Variants in CPNE7 observed in about 807,000 individuals in gnomAD.
CPNE7 encodes copine 7, also known as copine-7.
A neutral mutation model predicts 66.5 loss-of-function variants in CPNE7; 78 were observed. The ratio of observed to expected loss-of-function variants is 1.17; its 90% CI spans 0.98 to 1.42. The LOEUF is 1.42. Among genes scored for constraint, CPNE7 ranks in the 40% most tolerant of loss-of-function variants. The pLI, the probability that CPNE7 is intolerant of heterozygous loss-of-function variation, is 0.00. For synonymous variants in CPNE7, 468 were observed against 336.7 expected, an observed-to-expected ratio of 1.39 and a Z score of -4.27; for missense variants, 1,012 against 776.6, an observed-to-expected ratio of 1.30 and a Z score of -3.60.
At position 89,589,878 on chromosome 16, in the gene CPNE7, C is replaced by CCT. The variant is rs1326313735; in HGVS notation, c.1062-17_1062-16dup. 3.7e-6 allele frequency: 6 copies of CCT among 1,613,356 alleles called. No homozygotes were observed. Among genetic ancestry groups the CCT allele is most frequent in the Non-Finnish European group, 5.1e-6 (6 of 1,179,884 alleles). ...ACAAGAGGTCAGGGCCTCCTGGTGACCTCCTGCCTCTCTTCCAGTGACAAG... is the reference window on the plus strand; with the variant it reads ...ACAAGAGGTCAGGGCCTCCTGGTGACCTCTCCTGCCTCTCTTCCAGTGACAAG... On this transcript the variant is annotated intron_variant, in intron 10 of 14. Transcript: ENST00000319518.
At chr16:89,578,853 A>C (rs945303270) in intron 2 of CPNE7, 2 of 1,610,042 alleles carry the variant, frequency 1.2e-6, no homozygotes, top group Non-Finnish European at 1.7e-6. Flanking sequence ...TACGGCCTCC[A>C]CAGCCAGCCC....
Position 89,575,928 on chromosome 16 carries a change from G to A in CPNE7, c.31G>A (p.Ala11Thr). MSAGSERGAA[A>T]TPGGLPAPCA... is the part of the protein sequence containing the mutation. ...CGCGGGCTCGGAGCGCGGGGCGGCG[G>A]CAACCCCCGGGGGTTTGCCCGCGCC... The change falls in exon 1 of 15, where the codon GCA (alanine) becomes ACA (threonine). Residue 11 changes from alanine (A) to threonine (T), a missense_variant. Coordinates refer to ENST00000319518, the MANE Select transcript of CPNE7 (RefSeq NM_153636.3). 7.9e-7 allele frequency: 1 copy of A among 1,267,196 alleles called. No individual in the cohort carries two copies. Among genetic ancestry groups the A allele is most frequent in the Admixed American group, 4.1e-5 (1 of 24,274 alleles). The allele number at this position is 1,267,196 out of a possible 1,614,324, so 78.5% of individuals were successfully genotyped here. A position where few individuals can be genotyped will look rare whatever the true frequency, so the allele number is the denominator to read the frequency against.
intron 13 of CPNE7, among the ~76,000 whole-genome samples, chr16:89,593,510 G>A (rs1346897046): frequency 5.3e-5 from 8 of 150,860 alleles, no homozygotes; most frequent in African/African-American, 1.9e-4. Flanking sequence ...CCGCCACCAC[G>A]CCCGGCTAAT....
At chr16:89,588,374 G>A (rs935284777) in intron 9 of CPNE7, among the ~76,000 whole-genome samples, 4 of 152,240 alleles carry the variant, frequency 2.6e-5, no homozygotes, top group African/African-American at 7.2e-5. Flanking sequence ...TGCCGGGGAG[G>A]GTGGTAGAGG....
At chr16:89,591,751 G>C (rs1450200245) in intron 13 of CPNE7, among the ~76,000 whole-genome samples, 2 of 151,790 alleles carry the variant, frequency 1.3e-5, no homozygotes, top group African/African-American at 4.8e-5. Context: ...CCAGGCTGGA[G>C]TGCAGTGATG....
chr16:89,582,321 T>C (rs1240934663), intron 2 of CPNE7, among the ~76,000 whole-genome samples: 1 of 152,254 alleles, frequency 6.6e-6, no homozygotes, highest in African/African-American at 2.4e-5. Flanking sequence ...CAGGAAGTGC[T>C]TATTAAACGC....
intron 13 of CPNE7, among the ~76,000 whole-genome samples, chr16:89,592,732 G>A (rs181799999): frequency 2.1e-3 from 315 of 150,484 alleles, no homozygotes; most frequent in African/African-American, 7.3e-3. Context: ...GTGAGCCACC[G>A]CGCCCAGCCC....
chr16:89,595,425 G>C lies in CPNE7; in HGVS notation c.1361G>C (p.Arg454Pro). 6.2e-7 allele frequency: 1 copy of C among 1,607,124 alleles called. No individual in the cohort carries two copies. The highest frequency in any genetic ancestry group is 8.5e-7 in the Non-Finnish European group (1 of 1,175,790). The change falls in exon 14 of 15, where the codon CGG (arginine) becomes CCG (proline). Residue 454 changes from arginine (R) to proline (P), a missense_variant. Physicochemically the swap from Arg to Pro is moderately radical, Grantham distance 103 (BLOSUM62 -2). Transcript: ENST00000319518. Reference protein sequence around the residue: ...DGVVTDMADTREAIVRASRLP... With the variant: ...DGVVTDMADTPEAIVRASRLP... ...GTGGTGACCGACATGGCCGACACAC[G>C]GGAGGCCATTGTGCGTGCCTCACGC...
rs1340412079 is a variant in CPNE7 at position 89,584,631 on chromosome 16, G to A, written c.508-143G>A. 3.2e-5 allele frequency: 21 copies of A among 664,530 alleles called. No homozygotes were observed. The highest frequency in any genetic ancestry group is 5.4e-5 in the Non-Finnish European group (20 of 372,766). 41.2% of individuals were successfully genotyped at this position (664,530 alleles called of 1,614,324 possible). A position where few individuals can be genotyped will look rare whatever the true frequency, so the allele number is the denominator to read the frequency against. Reference sequence around the variant, plus strand: ...CGGGAGGGAGGGACGAGATGCTGTCGGCGGGGACTGGCTGCCTCGTTTTGT... The same window carrying A: ...CGGGAGGGAGGGACGAGATGCTGTCAGCGGGGACTGGCTGCCTCGTTTTGT... On this transcript the variant is annotated intron_variant, in intron 4 of 14. Transcript: ENST00000319518. The surrounding 1 kb of genome is among the most constrained non-coding windows in gnomAD (Gnocchi z 6.0).
chr16:89,587,669 AG>A, intron 9 of CPNE7: 1 of 412,174 alleles, frequency 2.4e-6, no homozygotes, highest in South Asian at 1.7e-5. Context: ...TGTCACCCGC[AG>A]ACCCCGCGTC....
Position 89,583,766 on chromosome 16 carries a change from A to G in CPNE7, c.427A>G (p.Ile143Val). 3 of 1,612,696 alleles carry G rather than the reference A, an allele frequency of 1.9e-6. No individual in the cohort carries two copies. Among genetic ancestry groups the G allele is most frequent in the Non-Finnish European group, 2.5e-6 (3 of 1,179,898 alleles). The change falls in exon 3 of 15, where the codon ATC becomes GTC. Residue 143 changes from isoleucine to valine, a missense_variant. Transcript: ENST00000319518. ...TGGCAGGAACGCTGGCAAGTCCACCATCACGGTGAGACCCGGGCGCACCCC... is the reference window on the plus strand; with the variant it reads ...TGGCAGGAACGCTGGCAAGTCCACCGTCACGGTGAGACCCGGGCGCACCCC... ...KFGRNAGKST[I>V]TVIAEDISGN...
chr16:89,589,797 C>G (rs1317856764), intron 10 of CPNE7, 100 bp from the exon 11 acceptor site: 4 of 1,325,464 alleles, frequency 3.0e-6, no homozygotes, highest in East Asian at 4.8e-5. Context: ...GGCCTGGGCA[C>G]CCCCAGTCTT....
At position 89,575,987 on chromosome 16, in the gene CPNE7, C is replaced by G; in HGVS notation, c.90C>G (p.Cys30Trp). ...CGAAGGTGGAGCTGCGGCTCAGCTG[C>G]CGGCACCTGCTGGACCGCGACCCGC... ...CASKVELRLS[C>W]RHLLDRDPLT... Residue 30 changes from cysteine to tryptophan, a missense_variant, in exon 1 of 15, where the codon TGC (cysteine) becomes TGG (tryptophan). Transcript: ENST00000319518. The G allele has an allele frequency of 2.9e-6, 4 of 1,378,106 alleles. No individual in the cohort carries two copies. The highest frequency in any genetic ancestry group is 3.8e-6 in the Non-Finnish European group (4 of 1,065,056). 85.4% of individuals were successfully genotyped at this position (1,378,106 alleles called of 1,614,324 possible).
At chr16:89,586,975 C>G in intron 8 of CPNE7, 68 bp from the exon 9 acceptor site, 1 of 1,486,178 alleles carries the variant, frequency 6.7e-7, no homozygotes. Context: ...GGAGGCAGGC[C>G]TGGATCCCAG....
At chr16:89,590,098 C>A in intron 11 of CPNE7, 147 bp downstream of exon 11, 1 of 908,886 alleles carries the variant, frequency 1.1e-6, no homozygotes, top group Non-Finnish European at 1.7e-6. Context: ...GGAACCCCAG[C>A]CTTCTAGCCA....
intron 7 of CPNE7, 86 bp downstream of exon 7, chr16:89,585,871 TG>T (rs1232253405): frequency 6.7e-5 from 5 of 74,188 alleles, no homozygotes; most frequent in Admixed American, 2.8e-4. Flanking sequence ...TGAGCAGGAC[TG>T]GGGGGGTACC....
intron 2 of CPNE7, among the ~76,000 whole-genome samples, chr16:89,581,144 C>T (rs929614986): frequency 6.6e-6 from 1 of 151,710 alleles, no homozygotes; most frequent in Non-Finnish European, 1.5e-5. Context: ...TCACCCATCA[C>T]ATGGAACATC....
At position 89,586,692 on chromosome 16, in the gene CPNE7, C is replaced by A; in HGVS notation, c.803C>A (p.Pro268His). 6.2e-7 allele frequency: 1 copy of A among 1,612,644 alleles called. No homozygotes were observed. The highest frequency in any genetic ancestry group is 8.5e-7 in the Non-Finnish European group (1 of 1,179,616). ...CAGGCCCAGTGGGACTGTGTGAACC[C>A]CAAATACAAGCAGAAGAGACGCAGT... ...EGQAQWDCVN[P>H]KYKQKRRSYK... The change falls in exon 8 of 15, where the codon CCC becomes CAC. Residue 268 changes from proline (P) to histidine (H), a missense_variant. Transcript: ENST00000319518.
At position 89,587,064 on chromosome 16, in the gene CPNE7, C is replaced by T; in HGVS notation, c.889C>T (p.Leu297=). The T allele has an allele frequency of 6.3e-7, 1 of 1,580,394 alleles. No homozygotes were observed. Among genetic ancestry groups the T allele is most frequent in the Non-Finnish European group, 8.6e-7 (1 of 1,163,102 alleles). The part of the protein sequence containing the change: ...DLKFHRVYSF[L]DYIMGGCQIH... Reference sequence around the variant, plus strand: ...GAAGTTCCACAGGGTGTACTCCTTCCTGGACTATATCATGGGCGGCTGCCA... The same window carrying T: ...GAAGTTCCACAGGGTGTACTCCTTCTTGGACTATATCATGGGCGGCTGCCA... The change falls in exon 9 of 15, where the codon CTG becomes TTG. Residue 297 remains leucine (L), a synonymous_variant. Transcript: ENST00000319518.
Sources: gnomAD v4.1 joint callset for allele counts (sites outside exome capture counted in the v4.1 genomes callset) on GRCh38, gnomAD v4.1.1 for gene constraint, Gnocchi (gnomAD v3.1) non-coding constraint, MANE v1.5 for transcripts, NCBI Gene and HGNC (gene_info 2026-07-23, HGNC 2026-07-21) for gene names.